DOCK1: variants seen among roughly 807,000 people sequenced by gnomAD.
DOCK1 encodes dedicator of cytokinesis 1, also known as dedicator of cytokinesis protein 1.
A neutral mutation model predicts 262.7 loss-of-function variants in DOCK1; 138 were observed. That is an observed-to-expected ratio of 0.53 (90% confidence interval 0.46 to 0.61). The LOEUF is 0.61. Among genes scored for constraint, DOCK1 ranks in the 20% least tolerant of loss-of-function variants. DOCK1 has a pLI of 0.00. For synonymous variants in DOCK1, 866 were observed against 867.4 expected (o/e 1.00, Z 0.03); for missense variants, 1,908 against 2,370.7 (o/e 0.80, Z 4.05).
At chr10:126,908,886 A>T (rs1490758599) in intron 1 of DOCK1, among the ~76,000 whole-genome samples, 1 of 152,206 alleles carries the variant, frequency 6.6e-6, no homozygotes, top group South Asian at 2.1e-4. Flanking sequence ...TTAGGTGAAA[A>T]GATGCAGTAT....
intron 1 of DOCK1, among the ~76,000 whole-genome samples, chr10:126,960,745 T>TATATATACAC (rs1429186588): frequency 2.6e-5 from 3 of 115,530 alleles, no homozygotes; most frequent in Admixed American, 8.1e-5. Context: ...TATATATATA[T>TATATATACAC]ACACACACAC....
intron 30 of DOCK1, 131 bp from the exon 31 acceptor site, chr10:127,343,515 G>A (rs2063512767): frequency 1.3e-6 from 1 of 741,688 alleles, no homozygotes. Context: ...AACATGTATA[G>A]AGTGAGTGTG....
intron 1 of DOCK1, among the ~76,000 whole-genome samples, chr10:126,944,781 C>A (rs1330003967): frequency 1.3e-5 from 2 of 152,022 alleles, no homozygotes; most frequent in African/African-American, 4.8e-5. Context: ...CAGTAAGAAG[C>A]TGGAGAGGGT....
At chr10:126,928,681 T>C (rs1165309984) in intron 1 of DOCK1, among the ~76,000 whole-genome samples, 1 of 152,208 alleles carries the variant, frequency 6.6e-6, no homozygotes, top group Non-Finnish European at 1.5e-5. Flanking sequence ...ATGTCCTTGT[T>C]AAGAAGAGGA....
intron 12 of DOCK1, among the ~76,000 whole-genome samples, chr10:127,017,532 C>T (rs896215150): frequency 7.3e-6 from 1 of 136,488 alleles, no homozygotes; most frequent in Non-Finnish European, 1.6e-5. Flanking sequence ...TACAGACACA[C>T]ATGGACACAC....
intron 1 of DOCK1, among the ~76,000 whole-genome samples, chr10:126,948,631 G>A (rs1413202203): frequency 6.6e-6 from 1 of 151,936 alleles, no homozygotes; most frequent in African/African-American, 2.4e-5. Flanking sequence ...AAAGTTTCCC[G>A]ATGTGGGGTT....
At chr10:127,007,730 G>T (rs2041142511) in intron 10 of DOCK1, among the ~76,000 whole-genome samples, 1 of 152,184 alleles carries the variant, frequency 6.6e-6, no homozygotes, top group Non-Finnish European at 1.5e-5. Context: ...CCCGGGGGGT[G>T]TGTTTGTGAA....
At position 127,196,643 on chromosome 10, in the gene DOCK1, C is replaced by G. The variant is rs2057181819; in HGVS notation, c.2848-51365C>G. 4.2e-5 allele frequency among the ~76,000 whole-genome samples: 4 copies of G among 95,744 alleles called. No homozygotes were observed. In the South Asian group the frequency reaches 1.5e-3, roughly 36 times the overall value. The allele number at this position is 95,744 out of a possible 152,430, so 62.8% of individuals were successfully genotyped here. A position where few individuals can be genotyped will look rare whatever the true frequency, so the allele number is the denominator to read the frequency against. On this transcript the variant is annotated intron_variant, in intron 27 of 51. Transcript: ENST00000623213. ...GGGGCGGCGCGGGGCCGGGCCGGGC[C>G]GGGCCGCGTGCGTGGGGTGGGGGAT...
intron 44 of DOCK1, 71 bp from the exon 45 acceptor site, chr10:127,418,294 G>T: frequency 1.4e-6 from 2 of 1,436,608 alleles, no homozygotes; most frequent in Non-Finnish European, 9.3e-7. Context: ...AGAGCACGTG[G>T]CTCCTCTGGT....
At chr10:127,105,271 C>T (rs1003867612) in intron 23 of DOCK1, among the ~76,000 whole-genome samples, 2 of 152,092 alleles carry the variant, frequency 1.3e-5, no homozygotes, top group African/African-American at 4.8e-5. Context: ...GGTATTTCTT[C>T]ATAGTAGGAT....
At position 127,418,462 on chromosome 10, in the gene DOCK1, T is replaced by G. The variant is rs780618907; in HGVS notation, c.4613T>G (p.Leu1538Arg). Reference protein sequence around the residue: ...MVQQHLDDPSLPINPLSMLLN... With the variant: ...MVQQHLDDPSRPINPLSMLLN... ...CAGCAGCACCTGGATGACCCCAGCC[T>G]GCCCATCAACCCGCTCTCCATGCTC... is the stretch of plus-strand genomic sequence containing the variant. The change falls in exon 45 of 52, where the codon CTG (leucine) becomes CGG (arginine). Residue 1538 changes from leucine (L) to arginine (R), a missense_variant. By Grantham distance (102) the Leu-to-Arg change is moderately radical. Coordinates refer to ENST00000623213, the MANE Select transcript of DOCK1 (RefSeq NM_001290223.2). 7 of 1,614,066 alleles carry G rather than the reference T, an allele frequency of 4.3e-6. No homozygotes were observed. Among genetic ancestry groups the G allele is most frequent in the Non-Finnish European group, 5.9e-6 (7 of 1,180,004 alleles).
At chr10:127,367,190 G>A (rs551873254) in intron 33 of DOCK1, among the ~76,000 whole-genome samples, 1 of 152,328 alleles carries the variant, frequency 6.6e-6, no homozygotes, top group East Asian at 1.9e-4. Flanking sequence ...GTTGCCCGGA[G>A]TTTCTGCTCT....
intron 23 of DOCK1, among the ~76,000 whole-genome samples, chr10:127,101,666 G>C (rs113870270): frequency 1.3e-5 from 2 of 152,220 alleles, no homozygotes; most frequent in Non-Finnish European, 2.9e-5. Context: ...GCGGTCTGTC[G>C]GTCCCGATTC....
At chr10:127,342,456 C>T (rs2063476253) in intron 30 of DOCK1, among the ~76,000 whole-genome samples, 1 of 152,120 alleles carries the variant, frequency 6.6e-6, no homozygotes, top group Non-Finnish European at 1.5e-5. Flanking sequence ...TAAATCTCAG[C>T]TCTGCAATGG....
chr10:127,305,403 G>A (rs10741213), intron 29 of DOCK1, among the ~76,000 whole-genome samples: 56,317 of 151,918 alleles, frequency 0.37, 11,011 homozygotes, highest in Admixed American at 0.44. Flanking sequence ...GCAAATCCTC[G>A]CTTATCTGAA....
chr10:127,156,768 A>G (rs944932804), intron 27 of DOCK1, among the ~76,000 whole-genome samples: 1 of 151,738 alleles, frequency 6.6e-6, no homozygotes, highest in Non-Finnish European at 1.5e-5. Flanking sequence ...GGGTTTCTCT[A>G]TGTTGGTCAG....
chr10:127,360,129 A>T (rs185164523), intron 32 of DOCK1, among the ~76,000 whole-genome samples: 1 of 152,172 alleles, frequency 6.6e-6, no homozygotes, highest in Admixed American at 6.5e-5. Context: ...TCGCAGCCCC[A>T]TTTTTAGAAA....
chr10:127,009,594 C>A (rs529083081), intron 11 of DOCK1, among the ~76,000 whole-genome samples: 6 of 151,918 alleles, frequency 3.9e-5, no homozygotes, highest in African/African-American at 1.5e-4. Flanking sequence ...GGTTGGGTGG[C>A]GATGTTAGGG....
At chr10:127,129,098 G>T (rs893255837) in intron 27 of DOCK1, among the ~76,000 whole-genome samples, 1 of 152,104 alleles carries the variant, frequency 6.6e-6, no homozygotes. Flanking sequence ...GAGCACTGGG[G>T]TCCTTTGCGT....
Sources: allele counts gnomAD v4.1 joint callset (sites outside exome capture counted in the v4.1 genomes callset), GRCh38; gene constraint gnomAD v4.1.1; transcripts MANE v1.5; gene names NCBI Gene and HGNC (gene_info 2026-07-23, HGNC 2026-07-21).